SHISA9: variants seen among roughly 807,000 people sequenced by gnomAD.
SHISA9 encodes protein shisa-9.
Under a neutral mutation model 38.0 loss-of-function variants are expected in SHISA9, and 13 were observed. The ratio of observed to expected loss-of-function variants is 0.34; its 90% CI spans 0.22 to 0.54. The LOEUF (loss-of-function observed/expected upper bound fraction) is 0.54. Among genes scored for constraint, SHISA9 ranks in the 20% least tolerant of loss-of-function variants. SHISA9 has a pLI of 0.91. For synonymous variants in SHISA9, 275 were observed against 242.0 expected (o/e 1.14, Z -1.27); for missense variants, 538 against 575.8 (o/e 0.93, Z 0.67).
At chr16:13,337,257 G>A in the SHISA9 span, among the ~76,000 whole-genome samples, 1 of 152,154 alleles carries the variant, frequency 6.6e-6, no homozygotes, top group Non-Finnish European at 1.5e-5. Flanking sequence ...GGAGATAATT[G>A]AATCATGGGA....
At chr16:13,354,216 C>T in the SHISA9 span, among the ~76,000 whole-genome samples, 2 of 134,488 alleles carry the variant, frequency 1.5e-5, no homozygotes, top group Admixed American at 1.6e-4. Context: ...GGATAGATTT[C>T]CACGATGGAA....
intron 2 of SHISA9, among the ~76,000 whole-genome samples, chr16:13,166,198 A>T (rs185192): frequency 0.27 from 40,440 of 152,030 alleles, 5,528 homozygotes; most frequent in East Asian, 0.42. Context: ...TTCTCCAAGT[A>T]CCTCTCTCTC....
intron 2 of SHISA9, among the ~76,000 whole-genome samples, chr16:13,122,141 T>C (rs1203625631): frequency 3.9e-5 from 6 of 152,190 alleles, no homozygotes; most frequent in African/African-American, 1.4e-4. Flanking sequence ...AGGGGCTCAA[T>C]GCTTTTGTTG....
the SHISA9 span, among the ~76,000 whole-genome samples, chr16:13,514,292 C>CAATTA: frequency 2.0e-5 from 3 of 149,236 alleles, no homozygotes; most frequent in African/African-American, 7.4e-5. Flanking sequence ...TGCACCCAGC[C>CAATTA]AATTAAATTA....
the SHISA9 span, among the ~76,000 whole-genome samples, chr16:13,476,988 T>C: frequency 0.34 from 50,994 of 151,582 alleles, 9,621 homozygotes; most frequent in African/African-American, 0.52. Context: ...CCTCATTATC[T>C]GCCCGCCTCG....
At chr16:13,148,672 C>G (rs985878383) in intron 2 of SHISA9, among the ~76,000 whole-genome samples, 3 of 131,058 alleles carry the variant, frequency 2.3e-5, no homozygotes, top group African/African-American at 9.0e-5. Flanking sequence ...CATCCTCATT[C>G]TCTCACACAT....
chr16:13,499,000 C>T, the SHISA9 span, among the ~76,000 whole-genome samples: 1 of 152,160 alleles, frequency 6.6e-6, no homozygotes, highest in African/African-American at 2.4e-5. Context: ...GTTCTCCAGA[C>T]ATAAGGTGAG....
intron 2 of SHISA9, among the ~76,000 whole-genome samples, chr16:13,012,293 G>A (rs536553467): frequency 1.2e-4 from 19 of 152,292 alleles, no homozygotes; most frequent in Admixed American, 6.5e-4. Context: ...GGCTACCTTA[G>A]GTGTTCAAGT....
chr16:13,401,493 C>T, the SHISA9 span, among the ~76,000 whole-genome samples: 3 of 152,206 alleles, frequency 2.0e-5, no homozygotes, highest in African/African-American at 4.8e-5. Context: ...GGCCTAACCC[C>T]CCAGTGGGAC....
At chr16:13,394,838 C>A in the SHISA9 span, among the ~76,000 whole-genome samples, 47 of 152,186 alleles carry the variant, frequency 3.1e-4, no homozygotes, top group African/African-American at 1.1e-3. Flanking sequence ...TATACTCTGC[C>A]CCTCACTTGC....
At chr16:13,465,831 G>C in the SHISA9 span, among the ~76,000 whole-genome samples, 1 of 152,224 alleles carries the variant, frequency 6.6e-6, no homozygotes, top group African/African-American at 2.4e-5. Flanking sequence ...TGGGTCAAAT[G>C]TGGCCCACTG....
the SHISA9 span, among the ~76,000 whole-genome samples, chr16:13,367,712 G>GCGCACA: frequency 0.026 from 2,759 of 104,602 alleles, 41 homozygotes; most frequent in East Asian, 0.064. Flanking sequence ...GCGCGCGCGC[G>GCGCACA]CACACACACA....
At chr16:13,058,518 G>T (rs2073336156) in intron 2 of SHISA9, among the ~76,000 whole-genome samples, 1 of 152,168 alleles carries the variant, frequency 6.6e-6, no homozygotes, top group African/African-American at 2.4e-5. Context: ...CTATTTTCCA[G>T]ATGAGCAAAG....
chr16:13,297,615 G>A, the SHISA9 span, among the ~76,000 whole-genome samples: 1 of 152,214 alleles, frequency 6.6e-6, no homozygotes, highest in Non-Finnish European at 1.5e-5. Context: ...CCTTAGGCGG[G>A]AAAAGATTTG....
chr16:13,124,126 C>A (rs77430930), intron 2 of SHISA9, among the ~76,000 whole-genome samples: 2,940 of 152,224 alleles, frequency 0.019, 86 homozygotes, highest in African/African-American at 0.066. Context: ...TTCAGGGGCC[C>A]TTTACTATTA....
chr16:13,304,195 A>G, the SHISA9 span, among the ~76,000 whole-genome samples: 12 of 151,966 alleles, frequency 7.9e-5, no homozygotes, highest in Non-Finnish European at 1.6e-4. Flanking sequence ...TGGTTTTTCA[A>G]TTTCTAGTTC....
chr16:13,105,878 A>G (rs189163421), intron 2 of SHISA9, among the ~76,000 whole-genome samples: 6 of 152,298 alleles, frequency 3.9e-5, no homozygotes, highest in African/African-American at 1.2e-4. Flanking sequence ...GCGCCCTTTC[A>G]GATGATTTAT....
intron 2 of SHISA9, among the ~76,000 whole-genome samples, chr16:13,125,088 C>T (rs2050244792): frequency 6.6e-6 from 1 of 152,110 alleles, no homozygotes. Context: ...CCAATAAGCA[C>T]AGGCAACCAA....
At chr16:13,349,783 T>A in the SHISA9 span, among the ~76,000 whole-genome samples, 1 of 152,204 alleles carries the variant, frequency 6.6e-6, no homozygotes, top group Non-Finnish European at 1.5e-5. Flanking sequence ...AAATTTCATG[T>A]AGGGATGGTT....
Sources: gnomAD v4.1 joint callset for allele counts (sites outside exome capture counted in the v4.1 genomes callset) on GRCh38, gnomAD v4.1.1 for gene constraint, MANE v1.5 for transcripts, NCBI Gene and HGNC (gene_info 2026-07-23, HGNC 2026-07-21) for gene names.